NFYC: variants seen among roughly 807,000 people sequenced by gnomAD.
NFYC encodes CAAT box DNA-binding protein subunit C.
In NFYC, 25 loss-of-function variants were observed where a neutral mutation model predicts 53.1. That is an observed-to-expected ratio of 0.47 (90% CI 0.34 to 0.66). The LOEUF (loss-of-function observed/expected upper bound fraction) is 0.66. NFYC is among the 30% of genes least tolerant of loss of function. NFYC has a pLI of 0.01. For missense variants in NFYC, 260 were observed against 422.7 expected (o/e 0.62, Z 3.38); for synonymous variants, 145 against 152.6 (o/e 0.95, Z 0.37).
Position 40,738,933 on chromosome 1 carries a change from C to T in NFYC, c.90C>T (p.Ile30=), listed in dbSNP as rs781431303. 3.1e-6 allele frequency: 5 copies of T among 1,612,732 alleles called. No individual in the cohort carries two copies. In the East Asian group the frequency reaches 1.1e-4, roughly 36 times the overall value. The change falls in exon 2 of 10, where the codon ATC becomes ATT. Residue 30 remains isoleucine, a synonymous_variant. Coordinates refer to ENST00000447388, the MANE Select transcript of NFYC (RefSeq NM_014223.5). ...TCTGGCCTCGGGTCATGGAAGAAAT[C>T]CGGAATTTAACAGTGGTGAGGAAGA... ...QSFWPRVMEE[I]RNLTVKDFRV...
At chr1:40,699,723 C>G (rs1280482285) in intron 1 of NFYC, among the ~76,000 whole-genome samples, 1 of 152,148 alleles carries the variant, frequency 6.6e-6, no homozygotes, top group Non-Finnish European at 1.5e-5. Context: ...ATACAGTTGC[C>G]TATAGTCTTT....
chr1:40,734,673 A>G (rs888704103), intron 1 of NFYC, among the ~76,000 whole-genome samples: 8 of 152,106 alleles, frequency 5.3e-5, no homozygotes, highest in Non-Finnish European at 7.4e-5. Flanking sequence ...CTTTATATAT[A>G]TAATATTAAT....
At chr1:40,726,127 T>TGTGTGTGTG (rs33997341) in intron 1 of NFYC, among the ~76,000 whole-genome samples, 1 of 140,990 alleles carries the variant, frequency 7.1e-6, no homozygotes, top group Non-Finnish European at 1.6e-5. Context: ...GTGTGTGTGT[T>TGTGTGTGTG]TTTTTTTGAG....
intron 1 of NFYC, among the ~76,000 whole-genome samples, chr1:40,705,880 G>A (rs570782081): frequency 2.6e-5 from 4 of 152,134 alleles, no homozygotes; most frequent in Admixed American, 6.5e-5. Context: ...AAAGTAAGTG[G>A]GACCACAGGC....
At chr1:40,717,799 C>T (rs1450655053) in intron 1 of NFYC, among the ~76,000 whole-genome samples, 1 of 152,152 alleles carries the variant, frequency 6.6e-6, no homozygotes, top group African/African-American at 2.4e-5. Flanking sequence ...CAGCATCCTG[C>T]ATGAAGCTGA....
intron 1 of NFYC, chr1:40,734,775 A>G (rs921817833): frequency 6.6e-6 from 1 of 152,244 alleles, no homozygotes; most frequent in African/African-American, 2.4e-5. Context: ...AGGAATTTAC[A>G]TTAACAATTT....
intron 2 of NFYC, among the ~76,000 whole-genome samples, chr1:40,741,572 A>G (rs1570574397): frequency 6.6e-6 from 1 of 151,688 alleles, no homozygotes; most frequent in African/African-American, 2.4e-5. Flanking sequence ...AGCATGTGAC[A>G]GGATGTCTTT....
chr1:40,700,593 A>G (rs1375602688), intron 1 of NFYC, among the ~76,000 whole-genome samples: 1 of 151,952 alleles, frequency 6.6e-6, no homozygotes, highest in Non-Finnish European at 1.5e-5. Context: ...TGATCCTCCC[A>G]CCTTGGCCTC....
rs138786288 is a variant in NFYC, at chr1:40,764,472, AC to A, written c.720+1430del. ...CCTTGCTTCATTGTTTCAGTCCTCAACCCCAAGATTTCTGTTGAATGGTTCT... is the reference window on the plus strand; with the variant it reads ...CCTTGCTTCATTGTTTCAGTCCTCAACCCAAGATTTCTGTTGAATGGTTCT... On this transcript the variant is annotated intron_variant, in intron 7 of 9. Coordinates refer to ENST00000447388, the MANE Select transcript of NFYC (RefSeq NM_014223.5). Among the ~76,000 whole-genome samples the A allele has an allele frequency of 3.2e-3, 489 of 152,280 alleles. 1 individual carries two copies. Among genetic ancestry groups the A allele is most frequent in the African/African-American group, 0.011 (466 of 41,552 alleles).
rs765834158 is a variant in NFYC at position 40,766,721 on chromosome 1, A to T, written c.828+18A>T. ...CTCAACAGGTATGTGCCCCAGAGAC[A>T]CAAGGCCTGTGTTGGAGACCAGGAG... On this transcript the variant is annotated intron_variant, in intron 8 of 9. Transcript: ENST00000447388. 6 of 1,607,214 alleles carry T rather than the reference A, an allele frequency of 3.7e-6. No individual in the cohort carries two copies. Among genetic ancestry groups the T allele is most frequent in the Non-Finnish European group, 5.1e-6 (6 of 1,173,726 alleles).
At chr1:40,759,870 G>A (rs1646451197) in intron 6 of NFYC, among the ~76,000 whole-genome samples, 2 of 152,062 alleles carry the variant, frequency 1.3e-5, no homozygotes, top group Non-Finnish European at 2.9e-5. Flanking sequence ...AAGATAGATA[G>A]TAAACACATC....
intron 1 of NFYC, among the ~76,000 whole-genome samples, chr1:40,700,905 C>G (rs1643402629): frequency 6.6e-6 from 1 of 152,120 alleles, no homozygotes; most frequent in African/African-American, 2.4e-5. Flanking sequence ...CCCACTGTGT[C>G]CCCTTCTCCA....
At chr1:40,743,668 CTGTT>C (rs1428496178) in intron 2 of NFYC, among the ~76,000 whole-genome samples, 1 of 152,194 alleles carries the variant, frequency 6.6e-6, no homozygotes, top group Admixed American at 6.5e-5. Flanking sequence ...AATCAGATAA[CTGTT>C]TAAACAAGAA....
In NFYC at chr1:40,753,181, T is replaced by A; in HGVS notation, c.322T>A (p.Phe108Ile). The A allele has an allele frequency of 6.2e-7, 1 of 1,613,820 alleles. No homozygotes were observed. The highest frequency in any genetic ancestry group is 8.5e-7 in the Non-Finnish European group (1 of 1,179,764). ...TGATATCGCCATGGCAATTACAAAA[T>A]TTGATCAGTTTGATTTTCTCATCGA... ...RNDIAMAITKFDQFDFLIDIV... is the reference protein window; with the variant it reads ...RNDIAMAITKIDQFDFLIDIV... The change falls in exon 5 of 10, where the codon TTT (phenylalanine) becomes ATT (isoleucine). Residue 108 changes from phenylalanine to isoleucine, a missense_variant. Coordinates refer to ENST00000447388, the MANE Select transcript of NFYC (RefSeq NM_014223.5).
At chr1:40,735,586 T>C (rs1273858119) in intron 1 of NFYC, 2 of 985,208 alleles carry the variant, frequency 2.0e-6, no homozygotes, top group East Asian at 2.3e-4. Context: ...GTTACCAGAC[T>C]TTTAAATCGT....
chr1:40,720,141 CCTTT>C (rs928413214), intron 1 of NFYC, among the ~76,000 whole-genome samples: 6 of 152,076 alleles, frequency 3.9e-5, no homozygotes, highest in Admixed American at 3.9e-4. Flanking sequence ...ATGTCGTTTT[CCTTT>C]CTTTCTTCTC....
At chr1:40,693,080 G>T (rs1421249789) in intron 1 of NFYC, among the ~76,000 whole-genome samples, 2 of 152,100 alleles carry the variant, frequency 1.3e-5, no homozygotes, top group Non-Finnish European at 2.9e-5. Context: ...TTTCGGTCTT[G>T]GTTTATTTCC....
intron 7 of NFYC, chr1:40,763,388 G>C (rs1646658923): frequency 4.4e-6 from 2 of 454,910 alleles, no homozygotes; most frequent in Non-Finnish European, 8.8e-6. Flanking sequence ...GTGTCACTCA[G>C]ACTGATGAAG....
At chr1:40,732,808 T>TTG (rs561466721) in intron 1 of NFYC, among the ~76,000 whole-genome samples, 3 of 152,158 alleles carry the variant, frequency 2.0e-5, no homozygotes, top group East Asian at 1.9e-4. Context: ...TCTTAGATGT[T>TTG]TGTGTGTGTG....
Sources: allele counts gnomAD v4.1 joint callset (sites outside exome capture counted in the v4.1 genomes callset), GRCh38; gene constraint gnomAD v4.1.1; transcripts MANE v1.5; gene names NCBI Gene and HGNC (gene_info 2026-07-23, HGNC 2026-07-21).